The following TP63 variants were observed in gnomAD, a reference collection of about 807,000 sequenced individuals.
TP63 encodes tumor protein 63.
Under a neutral mutation model 82.8 loss-of-function variants are expected in TP63, and 17 were observed. The observed-to-expected ratio is 0.21, with a 90% CI of 0.14 to 0.31. The LOEUF is 0.31. TP63 is among the 10% of genes least tolerant of loss of function. The pLI is 1.00. For missense variants in TP63, 648 were observed against 895.3 expected (o/e 0.72, Z 3.52); for synonymous variants, 330 against 321.7 (o/e 1.03, Z -0.28).
the TP63 span, among the ~76,000 whole-genome samples, chr3:189,597,334 C>T: frequency 1.3e-5 from 2 of 152,250 alleles, no homozygotes; most frequent in South Asian, 4.1e-4. Context: ...ATGGGTAAAG[C>T]TGAAATAAAT....
intron 3 of TP63, among the ~76,000 whole-genome samples, chr3:189,740,568 A>C (rs1720910247): frequency 6.6e-6 from 1 of 150,892 alleles, no homozygotes; most frequent in East Asian, 2.0e-4. Flanking sequence ...GGCGCAATCT[A>C]GGCTCACTGC....
At chr3:189,682,549 A>G (rs1406876694) in intron 1 of TP63, among the ~76,000 whole-genome samples, 1 of 30,360 alleles carries the variant, frequency 3.3e-5, no homozygotes, top group Non-Finnish European at 7.3e-5. Flanking sequence ...AAAAAAAAAA[A>G]AAAAATATAT....
intron 1 of TP63, among the ~76,000 whole-genome samples, chr3:189,679,377 A>C (rs1210675256): frequency 6.6e-6 from 1 of 151,928 alleles, no homozygotes. Context: ...TTCCTTGATG[A>C]TTAGTAATGT....
intron 4 of TP63, among the ~76,000 whole-genome samples, chr3:189,831,689 C>T (rs186578750): frequency 2.6e-5 from 4 of 151,904 alleles, no homozygotes; most frequent in Non-Finnish European, 5.9e-5. Flanking sequence ...AATCTTCTTT[C>T]TCTAATACGA....
intron 1 of TP63, among the ~76,000 whole-genome samples, chr3:189,654,403 TTAAC>T (rs1713148883): frequency 6.6e-6 from 1 of 152,174 alleles, no homozygotes; most frequent in Admixed American, 6.5e-5. Context: ...TGGCTTTAGA[TTAAC>T]TAATTATTTT....
chr3:189,691,848 A>G (rs2378514), intron 1 of TP63, among the ~76,000 whole-genome samples: 61,319 of 152,040 alleles, frequency 0.4, 12,636 homozygotes, highest in East Asian at 0.64. Context: ...AAAAAAACTA[A>G]GTGACTAATA....
intron 1 of TP63, among the ~76,000 whole-genome samples, chr3:189,633,255 G>A (rs1729572689): frequency 1.3e-5 from 2 of 151,830 alleles, no homozygotes; most frequent in South Asian, 2.1e-4. Flanking sequence ...AAGTTCAGGG[G>A]TACAAGTGCA....
At chr3:189,803,155 G>A (rs927731143) in intron 3 of TP63, among the ~76,000 whole-genome samples, 6 of 152,080 alleles carry the variant, frequency 3.9e-5, no homozygotes, top group African/African-American at 9.7e-5. Flanking sequence ...AAAATCAGCC[G>A]GGCATGGTGG....
chr3:189,857,243 A>G (rs887477275), intron 4 of TP63, among the ~76,000 whole-genome samples: 3 of 152,136 alleles, frequency 2.0e-5, no homozygotes, highest in South Asian at 2.1e-4. Context: ...ATTGATTTTC[A>G]ATAAAGAGTC....
the TP63 span, among the ~76,000 whole-genome samples, chr3:189,597,789 G>A: frequency 3.9e-5 from 6 of 152,124 alleles, no homozygotes; most frequent in African/African-American, 1.4e-4. Context: ...TTAGCTGGAT[G>A]GGGTGGCTCA....
At chr3:189,816,263 C>A (rs192839347) in intron 4 of TP63, among the ~76,000 whole-genome samples, 1 of 152,314 alleles carries the variant, frequency 6.6e-6, no homozygotes, top group East Asian at 1.9e-4. Context: ...AAAACTATAT[C>A]ATTAAGCTCA....
chr3:189,697,522 T>A (rs1168310824), intron 1 of TP63, among the ~76,000 whole-genome samples: 10 of 152,012 alleles, frequency 6.6e-5, no homozygotes, highest in African/African-American at 2.4e-4. Context: ...GTGTTGGATA[T>A]TCCAGATCAT....
At position 189,648,012 on chromosome 3, in the gene TP63, G is replaced by C. The variant is rs910675169; in HGVS notation, c.62+16435G>C. ...AAGATTAAATAAACGAATTTCAAAA[G>C]ATTTTACAGTAATGTTTTTTAAAGA... is the stretch of plus-strand genomic sequence containing the variant. On this transcript the variant is annotated intron_variant, in intron 1 of 13. Transcript: ENST00000264731. Among the ~76,000 whole-genome samples the C allele has an allele frequency of 1.4e-4, 21 of 147,116 alleles. 1 individual carries two copies. In the South Asian group the frequency reaches 2.2e-3, roughly 16 times the overall value.
chr3:189,871,716 G>GT (rs1220483188), intron 9 of TP63, among the ~76,000 whole-genome samples: 3 of 151,966 alleles, frequency 2.0e-5, no homozygotes, highest in Admixed American at 6.6e-5. Flanking sequence ...CGGCTCATCC[G>GT]TTTTTTTGGT....
chr3:189,607,510 T>A, the TP63 span, among the ~76,000 whole-genome samples: 4 of 152,078 alleles, frequency 2.6e-5, no homozygotes, highest in Admixed American at 2.6e-4. Context: ...AGTTGTGAAA[T>A]TTTTTAAAAA....
chr3:189,726,226 AGTAG>A (rs1719771348), intron 1 of TP63, among the ~76,000 whole-genome samples: 1 of 152,180 alleles, frequency 6.6e-6, no homozygotes, highest in Non-Finnish European at 1.5e-5. Context: ...CTTATCACTG[AGTAG>A]CGGCAGTCCA....
chr3:189,664,003 A>C (rs1714159437), intron 1 of TP63, among the ~76,000 whole-genome samples: 1 of 152,168 alleles, frequency 6.6e-6, no homozygotes, highest in African/African-American at 2.4e-5. Context: ...AGCGTAATTA[A>C]CTTCCAAAAC....
upstream of TP63, among the ~76,000 whole-genome samples, chr3:189,629,313 G>A (rs1254312531): frequency 6.6e-6 from 1 of 152,140 alleles, no homozygotes; most frequent in Non-Finnish European, 1.5e-5. Flanking sequence ...GAGCCCAGGA[G>A]GTTGAGGCTG....
At chr3:189,789,530 T>G in intron 3 of TP63, 1 of 433,828 alleles carries the variant, frequency 2.3e-6, no homozygotes. Flanking sequence ...CTTAATGAGA[T>G]GGGAGAGGCC....
Sources: gnomAD v4.1 joint callset for allele counts (sites outside exome capture counted in the v4.1 genomes callset) on GRCh38, gnomAD v4.1.1 for gene constraint, MANE v1.5 for transcripts, NCBI Gene and HGNC (gene_info 2026-07-23, HGNC 2026-07-21) for gene names.